RAPGEF3: variants seen among roughly 807,000 people sequenced by gnomAD.
RAPGEF3 encodes Rap guanine nucleotide exchange factor 3, also known as 9330170P05Rik.
In RAPGEF3, 103 loss-of-function variants were observed where a neutral mutation model predicts 129.8. That is an observed-to-expected ratio of 0.79 (90% CI 0.68 to 0.93). The LOEUF is 0.93. Ranked by LOEUF, RAPGEF3 falls within the 40% of genes least tolerant of loss-of-function variation. The pLI, the probability that RAPGEF3 is intolerant of heterozygous loss-of-function variation, is 0.00. For missense variants in RAPGEF3, 1,117 were observed against 1,207.4 expected, an observed-to-expected ratio of 0.93 and a Z score of 1.11; for synonymous variants, 436 against 482.6, an observed-to-expected ratio of 0.90 and a Z score of 1.26.
chr12:47,748,304 C>T (rs367805889), intron 12 of RAPGEF3, 150 bp downstream of exon 12: 8 of 957,174 alleles, frequency 8.4e-6, no homozygotes, highest in East Asian at 5.2e-5. Flanking sequence ...CCCCACTAAG[C>T]CAAGAGCACA....
chr12:47,738,566 T>C (rs958946251), intron 25 of RAPGEF3, 124 bp downstream of exon 25: 3 of 909,534 alleles, frequency 3.3e-6, no homozygotes, highest in Non-Finnish European at 5.4e-6. Context: ...TATTACACAG[T>C]AAGTATTCAT....
rs761599650 is a variant in RAPGEF3 at position 47,741,586 on chromosome 12, C to T, written c.1842G>A (p.Gln614=). 1.9e-6 allele frequency: 3 copies of T among 1,614,000 alleles called. No individual in the cohort carries two copies. Residue 614 remains glutamine, a synonymous_variant, in exon 19 of 28, where the codon CAG becomes CAA. Coordinates refer to ENST00000449771, the MANE Select transcript of RAPGEF3 (RefSeq NM_001098531.4). ...ATGTGGCCACACCACGGGCATCTGGCTGCAGGCCAATGGCATCTGCAAAGA... is the reference window on the plus strand; with the variant it reads ...ATGTGGCCACACCACGGGCATCTGGTTGCAGGCCAATGGCATCTGCAAAGA... ...VNSAGDAIGL[Q]PDARGVATSL...
Position 47,746,645 on chromosome 12 carries a change from G to A in RAPGEF3, c.1596+215C>T, listed in dbSNP as rs116476548. 7.3e-3 allele frequency: 5,195 copies of A among 715,932 alleles called. 145 individuals carry two copies. The highest frequency in any genetic ancestry group is 0.046 in the South Asian group (3,096 of 66,794). The allele number at this position is 715,932 out of a possible 1,614,324, so 44.3% of individuals were successfully genotyped here. A position where few individuals can be genotyped will look rare whatever the true frequency, so the allele number is the denominator to read the frequency against. On this transcript the variant is annotated intron_variant, in intron 16 of 27. Coordinates refer to ENST00000449771, the MANE Select transcript of RAPGEF3 (RefSeq NM_001098531.4). ...GCCCATTGAGTCAGGGAGTGGGCGA[G>A]GAGGGAGGCCACCTTAGGCCTCTGC... is the stretch of plus-strand genomic sequence containing the variant.
rs147988756 is a variant in RAPGEF3 at position 47,738,743 on chromosome 12, T to G, written c.2473A>C (p.Ile825Leu). The G allele has an allele frequency of 6.2e-7, 1 of 1,609,736 alleles. No homozygotes were observed. The highest frequency in any genetic ancestry group is 2.2e-5 in the East Asian group (1 of 44,860). ...MPLLLKDMTF[I>L]HEGNHTLVEN... The stretch of plus-strand genomic sequence containing the variant: ...ACTAGTGTGTGGTTTCCCTCATGAA[T>G]GAAGGTCATGTCTGCAAAGAGATGG... The change falls in exon 25 of 28, where the codon ATT (isoleucine) becomes CTT (leucine). Residue 825 changes from isoleucine to leucine, a missense_variant. By Grantham distance (5) the Ile-to-Leu change is conservative (BLOSUM62 2). This residue lies in a region of RAPGEF3 where 643 missense variants were observed against 673.4 expected (regional missense o/e 0.95). Coordinates refer to ENST00000449771, the MANE Select transcript of RAPGEF3 (RefSeq NM_001098531.4).
chr12:47,758,694 T>G lies in RAPGEF3; in HGVS notation c.-138A>C, dbSNP rs993620718. The G allele has an allele frequency of 1.1e-4, 152 of 1,435,600 alleles. No homozygotes were observed. Among genetic ancestry groups the G allele is most frequent in the Admixed American group, 1.4e-4 (6 of 42,932 alleles). The allele number at this position is 1,435,600 out of a possible 1,614,324, so 88.9% of individuals were successfully genotyped here. ...AGGTACAGTGAACTGGGCCAGTGCC[T>G]AGCTGGACTGGCTGCCAGGGCAGCA... On this transcript the variant is annotated 5_prime_UTR_variant, in exon 1 of 28. Transcript: ENST00000449771.
Position 47,740,760 on chromosome 12 carries a change from CCAGG to C in RAPGEF3, c.2109_2112del (p.Asn703LysfsTer66). 6.2e-7 allele frequency: 1 copy of C among 1,614,076 alleles called. No homozygotes were observed. Among genetic ancestry groups the C allele is most frequent in the Non-Finnish European group, 8.5e-7 (1 of 1,179,994 alleles). Reference sequence around the variant, plus strand: ...TCATTGAAGCGGCGCATGAAGCGCTCCAGGTTGGCGGTGGTGACATCCCGCAGAT... The same window carrying C: ...TCATTGAAGCGGCGCATGAAGCGCTCTTGGCGGTGGTGACATCCCGCAGAT... On this transcript the variant is annotated frameshift_variant, in exon 21 of 28. Transcript: ENST00000449771. LOFTEE classifies it high-confidence loss of function.
rs1219929236 is a variant in RAPGEF3, at chr12:47,737,304, C to G, written c.*263G>C. 2.0e-6 allele frequency: 1 copy of G among 504,932 alleles called. No individual in the cohort carries two copies. The highest frequency in any genetic ancestry group is 3.6e-5 in the East Asian group (1 of 27,400). The allele number at this position is 504,932 out of a possible 1,614,324, so 31.3% of individuals were successfully genotyped here. On this transcript the variant is annotated 3_prime_UTR_variant, in exon 28 of 28. Transcript: ENST00000449771. ...ACACAACGTCCCAGCGCACTCCACT[C>G]TCCACCCACTCCTGGGGCCTCTCTG...
intron 18 of RAPGEF3, among the ~76,000 whole-genome samples, chr12:47,742,537 C>T (rs1229911355): frequency 6.6e-6 from 1 of 152,208 alleles, no homozygotes; most frequent in Non-Finnish European, 1.5e-5. Flanking sequence ...TGGGTTCCAG[C>T]TGTCAAGCCC....
chr12:47,748,910 G>T lies in RAPGEF3; in HGVS notation c.1063C>A (p.Arg355=), dbSNP rs766892669. ...IIKDVEAKTM[R]LEEHGKVVLV... is the part of the protein sequence containing the mutation. ...ACCACTTTGCCATGTTCTTCCAGCC[G>T]CATGGTCTTTGCCTCCACATCCTGG... Residue 355 remains arginine (R), a synonymous_variant, in exon 11 of 28, where the codon CGG becomes AGG. Transcript: ENST00000449771. 5.6e-6 allele frequency: 9 copies of T among 1,613,840 alleles called. No individual in the cohort carries two copies. Among genetic ancestry groups the T allele is most frequent in the African/African-American group, 1.3e-5 (1 of 74,878 alleles).
intron 16 of RAPGEF3, 141 bp downstream of exon 16, chr12:47,746,719 G>T: frequency 9.8e-7 from 1 of 1,022,854 alleles, no homozygotes; most frequent in Non-Finnish European, 1.5e-6. Context: ...CAAGGGCCCC[G>T]TGAACACCTA....
chr12:47,744,160 C>T, intron 16 of RAPGEF3, 92 bp from the exon 17 acceptor site: 8 of 1,060,808 alleles, frequency 7.5e-6, no homozygotes, highest in Non-Finnish European at 1.1e-5. Flanking sequence ...TCACCAGGAG[C>T]ACGGGCGCCA....
chr12:47,754,784 T>A (rs945156544), intron 2 of RAPGEF3, among the ~76,000 whole-genome samples: 3 of 152,098 alleles, frequency 2.0e-5, no homozygotes, highest in Non-Finnish European at 2.9e-5. Flanking sequence ...GGGTTCTCAG[T>A]TGGGAAGAAG....
chr12:47,743,513 C>A lies in RAPGEF3; in HGVS notation c.1825+17G>T. 2 of 1,610,622 alleles carry A rather than the reference C, an allele frequency of 1.2e-6. No homozygotes were observed. Among genetic ancestry groups the A allele is most frequent in the Non-Finnish European group, 1.7e-6 (2 of 1,177,408 alleles). ...GGGGCCACCCTCCCTTGGGGTCTAT[C>A]CAGGGGCACAACTCACCACCTGCAG... On this transcript the variant is annotated intron_variant, in intron 18 of 27. Transcript: ENST00000449771.
At chr12:47,739,733 G>A (rs932184273) in intron 23 of RAPGEF3, 16 of 361,760 alleles carry the variant, frequency 4.4e-5, no homozygotes, top group East Asian at 1.3e-4. Context: ...GGTCTAGCCC[G>A]CAAGCCCCTC....
At chr12:47,745,336 A>AC (rs894468883) in intron 16 of RAPGEF3, 8 of 152,262 alleles carry the variant, frequency 5.3e-5, no homozygotes, top group African/African-American at 1.9e-4. Flanking sequence ...TCTTTAGCTG[A>AC]CCTATTCAAA....
chr12:47,741,386 G>T, intron 19 of RAPGEF3, 119 bp downstream of exon 19: 1 of 975,098 alleles, frequency 1.0e-6, no homozygotes. Context: ...TGAGGACCCA[G>T]CAGCAGCCAG....
At chr12:47,743,720 C>T in intron 17 of RAPGEF3, 44 bp from the exon 18 acceptor site, 1 of 1,587,696 alleles carries the variant, frequency 6.3e-7, no homozygotes, top group South Asian at 1.1e-5. Flanking sequence ...GCTGCCTGAT[C>T]TCCACCCCAG....
chr12:47,757,001 T>C (rs1021729195), intron 2 of RAPGEF3, among the ~76,000 whole-genome samples: 6 of 150,064 alleles, frequency 4.0e-5, no homozygotes, highest in Non-Finnish European at 8.9e-5. Context: ...AAAAAAGAAA[T>C]GAACTCTCCC....
intron 2 of RAPGEF3, among the ~76,000 whole-genome samples, chr12:47,755,046 G>C (rs1192956813): frequency 6.6e-6 from 1 of 152,208 alleles, no homozygotes; most frequent in Non-Finnish European, 1.5e-5. Flanking sequence ...GGCTGCTTGT[G>C]GTGGGACAGG....
Sources: gnomAD v4.1 joint callset for allele counts (sites outside exome capture counted in the v4.1 genomes callset) on GRCh38, gnomAD v4.1.1 for gene constraint, gnomAD v4.1.1 regional missense constraint, MANE v1.5 for transcripts, NCBI Gene and HGNC (gene_info 2026-07-23, HGNC 2026-07-21) for gene names.